The following CNTNAP5 variants were observed in gnomAD, a reference collection of about 807,000 sequenced individuals.
CNTNAP5 encodes the protein contactin-associated protein-like 5.
Under a neutral mutation model 150.2 loss-of-function variants are expected in CNTNAP5, and 72 were observed. The observed-to-expected ratio is 0.48, with a 90% CI of 0.40 to 0.58. CNTNAP5 has a LOEUF of 0.58. Among genes scored for constraint, CNTNAP5 ranks in the 20% least tolerant of loss-of-function variants. The pLI, the probability that CNTNAP5 is intolerant of heterozygous loss-of-function variation, is 0.00. For synonymous variants in CNTNAP5, 672 were observed against 619.8 expected (o/e 1.08, Z -1.25); for missense variants, 1,636 against 1,626.2 (o/e 1.01, Z -0.10).
chr2:124,600,425 A>G lies in CNTNAP5; in HGVS notation c.1757-9376A>G, dbSNP rs538386153. Among the ~76,000 whole-genome samples, 8 of 150,472 alleles carry G rather than the reference A, an allele frequency of 5.3e-5. No individual in the cohort carries two copies. In the South Asian group the frequency reaches 1.5e-3, roughly 28 times the overall value. ...GTAGATGAGCCCATCTGGCTGCCAC[A>G]CACTAGTAACATGTATCAGTAGATG... is the stretch of plus-strand genomic sequence containing the variant. On this transcript the variant is annotated intron_variant, in intron 11 of 23. Transcript: ENST00000682447.
At chr2:124,892,704 G>C (rs1374220846) in intron 21 of CNTNAP5, among the ~76,000 whole-genome samples, 1 of 152,062 alleles carries the variant, frequency 6.6e-6, no homozygotes, top group Non-Finnish European at 1.5e-5. Context: ...CCTTTATGCA[G>C]ACACAATATC....
intron 8 of CNTNAP5, among the ~76,000 whole-genome samples, chr2:124,510,473 A>G (rs9308650): frequency 0.55 from 62,206 of 112,196 alleles, 16,331 homozygotes; most frequent in Middle Eastern, 0.65. Flanking sequence ...AATTTTATGT[A>G]TGTGTATATA....
chr2:124,053,273 C>T (rs937126322), intron 1 of CNTNAP5, among the ~76,000 whole-genome samples: 5 of 152,152 alleles, frequency 3.3e-5, no homozygotes, highest in Admixed American at 2.6e-4. Context: ...TCAGATTCAG[C>T]CACTAGAAAA....
At chr2:124,196,702 C>A (rs1180405594) in intron 1 of CNTNAP5, among the ~76,000 whole-genome samples, 1 of 152,106 alleles carries the variant, frequency 6.6e-6, no homozygotes, top group African/African-American at 2.4e-5. Context: ...TTTAAAAGAG[C>A]CATTTTTAGT....
chr2:124,832,588 T>C (rs567922375), intron 19 of CNTNAP5, among the ~76,000 whole-genome samples: 8 of 152,276 alleles, frequency 5.3e-5, no homozygotes, highest in African/African-American at 1.7e-4. Context: ...GCATTTTCCA[T>C]GAAAGTTTTT....
At chr2:124,727,770 T>C (rs1177919139) in intron 13 of CNTNAP5, among the ~76,000 whole-genome samples, 1 of 152,036 alleles carries the variant, frequency 6.6e-6, no homozygotes, top group Non-Finnish European at 1.5e-5. Flanking sequence ...TTTTACTTAT[T>C]TTTTCCATTT....
At position 124,862,943 on chromosome 2, in the gene CNTNAP5, G is replaced by GT. The variant is rs1164459694; in HGVS notation, c.3218-2356dup. The stretch of plus-strand genomic sequence containing the variant: ...TGGCTTTGGAAGAACTAGCTGAGGT[G>GT]TTTTTTTGTATCACGAACTTGGATA... On this transcript the variant is annotated intron_variant, in intron 19 of 23. Transcript: ENST00000682447. Among the ~76,000 whole-genome samples, 3 of 152,106 alleles carry GT rather than the reference G, an allele frequency of 2.0e-5. No individual in the cohort carries two copies. The East Asian group carries it at 5.8e-4, about 29-fold the overall frequency.
intron 13 of CNTNAP5, among the ~76,000 whole-genome samples, chr2:124,722,648 T>C (rs1680071511): frequency 6.6e-6 from 1 of 152,086 alleles, no homozygotes; most frequent in Non-Finnish European, 1.5e-5. Flanking sequence ...GGTAGCCCCA[T>C]CCATAGGAGT....
At chr2:124,650,988 C>T (rs1289008566) in intron 13 of CNTNAP5, among the ~76,000 whole-genome samples, 13 of 152,192 alleles carry the variant, frequency 8.5e-5, no homozygotes, top group South Asian at 2.1e-4. Context: ...ATTTTTAAGA[C>T]TCTTGCCACA....
At chr2:124,114,280 GTTCTTC>G (rs576353570) in intron 1 of CNTNAP5, among the ~76,000 whole-genome samples, 2 of 151,774 alleles carry the variant, frequency 1.3e-5, no homozygotes, top group African/African-American at 4.8e-5. Flanking sequence ...CATTTATTTA[GTTCTTC>G]TTGTATATTT....
At chr2:124,377,595 A>C (rs893779967) in intron 3 of CNTNAP5, among the ~76,000 whole-genome samples, 2 of 151,888 alleles carry the variant, frequency 1.3e-5, no homozygotes, top group Non-Finnish European at 2.9e-5. Context: ...GAATCTCTTG[A>C]ACCCGGAAGG....
intron 12 of CNTNAP5, among the ~76,000 whole-genome samples, chr2:124,616,477 C>T (rs960177607): frequency 7.2e-5 from 11 of 152,142 alleles, no homozygotes; most frequent in Admixed American, 3.3e-4. Flanking sequence ...AACGGAATGT[C>T]GTGCCTGGCT....
At chr2:124,858,415 A>T (rs1677431289) in intron 19 of CNTNAP5, among the ~76,000 whole-genome samples, 1 of 152,180 alleles carries the variant, frequency 6.6e-6, no homozygotes, top group Non-Finnish European at 1.5e-5. Context: ...CCAATAACAG[A>T]CAGACAGAAC....
At chr2:124,301,243 A>C (rs999497057) in intron 3 of CNTNAP5, among the ~76,000 whole-genome samples, 2 of 152,226 alleles carry the variant, frequency 1.3e-5, no homozygotes, top group African/African-American at 2.4e-5. Flanking sequence ...TGTCATCTCC[A>C]AAAACCGGAC....
chr2:124,089,916 A>G (rs1428959905), intron 1 of CNTNAP5, among the ~76,000 whole-genome samples: 1 of 152,200 alleles, frequency 6.6e-6, no homozygotes, highest in Non-Finnish European at 1.5e-5. Context: ...AGCACTTCAG[A>G]GCTAAGAGTG....
chr2:124,065,173 A>T (rs1480210898), intron 1 of CNTNAP5, among the ~76,000 whole-genome samples: 1 of 152,152 alleles, frequency 6.6e-6, no homozygotes, highest in Non-Finnish European at 1.5e-5. Context: ...GAAAGTACAG[A>T]CACTGAGGAT....
rs1487402372 is a variant in CNTNAP5 at position 124,911,451 on chromosome 2, C to A, written c.3656-16C>A. 1.3e-6 allele frequency: 2 copies of A among 1,572,300 alleles called. No individual in the cohort carries two copies. Among genetic ancestry groups the A allele is most frequent in the Non-Finnish European group, 1.7e-6 (2 of 1,153,986 alleles). On this transcript the variant is annotated splice_polypyrimidine_tract_variant and intron_variant, in intron 22 of 23. Coordinates refer to ENST00000682447, the MANE Select transcript of CNTNAP5 (RefSeq NM_001367498.1). Reference sequence around the variant, plus strand: ...TTGAGTGAGAAGTAAAGTCCCATGTCTTTTACTCCTTTCAGATCCTTTTGG... The same window carrying A: ...TTGAGTGAGAAGTAAAGTCCCATGTATTTTACTCCTTTCAGATCCTTTTGG...
chr2:124,162,957 T>C (rs1228301944), intron 1 of CNTNAP5, among the ~76,000 whole-genome samples: 1 of 152,036 alleles, frequency 6.6e-6, no homozygotes, highest in Non-Finnish European at 1.5e-5. Context: ...AAATTTTCTC[T>C]AAAGTAAAAG....
At chr2:124,856,420 T>C (rs535789393) in intron 19 of CNTNAP5, among the ~76,000 whole-genome samples, 1 of 152,350 alleles carries the variant, frequency 6.6e-6, no homozygotes, top group African/African-American at 2.4e-5. Context: ...CCACACTATT[T>C]TCTACAATGG....
Sources: gnomAD v4.1 joint callset for allele counts (sites outside exome capture counted in the v4.1 genomes callset) on GRCh38, gnomAD v4.1.1 for gene constraint, MANE v1.5 for transcripts, NCBI Gene and HGNC (gene_info 2026-07-23, HGNC 2026-07-21) for gene names.